Variants in ITPR1 observed in about 807,000 individuals in gnomAD.
The protein encoded by ITPR1 is inositol 1,4,5-trisphosphate-gated calcium channel ITPR1.
In ITPR1, 96 loss-of-function variants were observed where a neutral mutation model predicts 318.4. The ratio of observed to expected loss-of-function variants is 0.30; its 90% CI spans 0.26 to 0.36. The LOEUF (loss-of-function observed/expected upper bound fraction) is 0.36. Among genes scored for constraint, ITPR1 ranks in the 10% least tolerant of loss-of-function variants. ITPR1 has a pLI of 1.00. For synonymous variants in ITPR1, 1,312 were observed against 1,289.9 expected (o/e 1.02, Z -0.37); for missense variants, 2,440 against 3,460.2 (o/e 0.71, Z 7.40).
chr3:4,633,202 C>T (rs548974969), intron 5 of ITPR1, among the ~76,000 whole-genome samples: 1 of 152,106 alleles, frequency 6.6e-6, no homozygotes, highest in Admixed American at 6.5e-5. Flanking sequence ...TGCCAAAGTG[C>T]TGACATTACA....
In ITPR1 at chr3:4,652,322, A is replaced by G. The variant is rs1026083894; in HGVS notation, c.951+104A>G. 6 of 762,666 alleles carry G rather than the reference A, an allele frequency of 7.9e-6. No homozygotes were observed. The Admixed American group carries it at 8.2e-5, about 10-fold the overall frequency. The allele number at this position is 762,666 out of a possible 1,614,324, so 47.2% of individuals were successfully genotyped here. A position where few individuals can be genotyped will look rare whatever the true frequency, so the allele number is the denominator to read the frequency against. ...TGTTGTAAAAGGCTTAGGGAAATAC[A>G]CTCAGTCACCTTGCTTTTCCTCCTG... On this transcript the variant is annotated intron_variant, in intron 11 of 61. Transcript: ENST00000649015.
At chr3:4,740,585 A>G (rs1421094397) in intron 44 of ITPR1, among the ~76,000 whole-genome samples, 1 of 152,206 alleles carries the variant, frequency 6.6e-6, no homozygotes, top group Non-Finnish European at 1.5e-5. Flanking sequence ...AAATGCCTGG[A>G]AGCCAAATAC....
At chr3:4,794,299 A>G (rs896488095) in intron 52 of ITPR1, among the ~76,000 whole-genome samples, 2 of 152,184 alleles carry the variant, frequency 1.3e-5, no homozygotes, top group Admixed American at 1.3e-4. Flanking sequence ...GCAGCGGTGG[A>G]TTAAGGTGGC....
intron 4 of ITPR1, among the ~76,000 whole-genome samples, chr3:4,521,562 T>C (rs936714910): frequency 5.9e-5 from 9 of 152,294 alleles, no homozygotes; most frequent in African/African-American, 1.7e-4. Flanking sequence ...TTAAAAGACA[T>C]AGGCAGGCTG....
chr3:4,731,740 C>A (rs1428130325), intron 42 of ITPR1, among the ~76,000 whole-genome samples: 1 of 152,144 alleles, frequency 6.6e-6, no homozygotes, highest in Non-Finnish European at 1.5e-5. Context: ...CCTCCTTGGT[C>A]CCCCACTTCT....
chr3:4,563,724 A>C lies in ITPR1; in HGVS notation c.163+42630A>C, dbSNP rs891517945. Among the ~76,000 whole-genome samples, 7 of 152,156 alleles carry C rather than the reference A, an allele frequency of 4.6e-5. No individual in the cohort carries two copies. In the East Asian group the frequency reaches 1.4e-3, roughly 29 times the overall value. On this transcript the variant is annotated intron_variant, in intron 4 of 61. Transcript: ENST00000649015. Reference sequence around the variant, plus strand: ...AGATTGAACGGTGCTAGATTTTTTCATGCGGATATTTTTGCGTACCTGTGA... The same window carrying C: ...AGATTGAACGGTGCTAGATTTTTTCCTGCGGATATTTTTGCGTACCTGTGA...
chr3:4,558,459 T>C (rs1443319737), intron 4 of ITPR1, among the ~76,000 whole-genome samples: 1 of 152,034 alleles, frequency 6.6e-6, no homozygotes, highest in African/African-American at 2.4e-5. Flanking sequence ...ACCTCAATGA[T>C]ATGAAAGTAA....
intron 44 of ITPR1, among the ~76,000 whole-genome samples, chr3:4,760,657 G>A (rs527806584): frequency 1.3e-5 from 2 of 152,272 alleles, no homozygotes; most frequent in East Asian, 3.9e-4. Context: ...GCTCCTTTCT[G>A]GAGGCTCTAG....
chr3:4,696,133 A>G (rs766586127), intron 33 of ITPR1, among the ~76,000 whole-genome samples: 2 of 152,350 alleles, frequency 1.3e-5, no homozygotes. Flanking sequence ...GTTTACAGAT[A>G]TGATTCACTT....
chr3:4,634,639 A>T (rs1396299587), intron 5 of ITPR1, among the ~76,000 whole-genome samples: 1 of 152,186 alleles, frequency 6.6e-6, no homozygotes, highest in African/African-American at 2.4e-5. Flanking sequence ...AATTGATGTG[A>T]TTCGTAAATT....
Position 4,846,191 on chromosome 3 carries a change from C to T in ITPR1, c.8243C>T (p.Pro2748Leu). 6.4e-7 allele frequency: 1 copy of T among 1,568,710 alleles called. No individual in the cohort carries two copies. Among genetic ancestry groups the T allele is most frequent in the Non-Finnish European group, 8.7e-7 (1 of 1,155,690 alleles). ...AGAATTGGTCTTCTAGGACATCCTC[C>T]TCACATGAATGTCAACCCACAACAA... ...KQRIGLLGHP[P>L]HMNVNPQQPA Residue 2748 changes from proline to leucine, a missense_variant, in exon 62 of 62, where the codon CCT (proline) becomes CTT (leucine). Physicochemically the swap from Pro to Leu is moderately conservative, Grantham distance 98 (BLOSUM62 -3). This residue lies in a region of ITPR1 where 63 missense variants were observed against 63.4 expected (regional missense o/e 0.99). Transcript: ENST00000649015.
chr3:4,831,117 T>A, intron 60 of ITPR1: 1 of 292,494 alleles, frequency 3.4e-6, no homozygotes, highest in Admixed American at 4.1e-5. Context: ...TCTCTCTCTC[T>A]CTCTCTCTCT....
chr3:4,582,195 G>A (rs1261565902), intron 4 of ITPR1, among the ~76,000 whole-genome samples: 2 of 152,132 alleles, frequency 1.3e-5, no homozygotes, highest in Non-Finnish European at 2.9e-5. Context: ...TCAGAGGTTA[G>A]ATACCGCTTA....
chr3:4,753,975 T>C (rs1559835630), intron 44 of ITPR1, among the ~76,000 whole-genome samples: 1 of 150,644 alleles, frequency 6.6e-6, no homozygotes, highest in African/African-American at 2.4e-5. Flanking sequence ...CCTATGCGTA[T>C]GTTTCTACCT....
chr3:4,816,786 C>A (rs79335065), intron 59 of ITPR1, among the ~76,000 whole-genome samples: 3 of 152,310 alleles, frequency 2.0e-5, no homozygotes, highest in Middle Eastern at 3.4e-3. Flanking sequence ...CTGTAAATAT[C>A]GTGCTATTCC....
chr3:4,806,111 T>TA lies in ITPR1; in HGVS notation c.7120dup (p.Ile2374AsnfsTer26). On this transcript the variant is annotated frameshift_variant, in exon 55 of 62. Transcript: ENST00000649015. LOFTEE classifies it high-confidence loss of function. ...CCTGTCATTGTTCTCAGGTATGCAA[T>TA]AAAATCATCTTTCTAATGAGCTTTG... is the stretch of plus-strand genomic sequence containing the variant. 1 of 1,613,686 alleles carries TA rather than the reference T, an allele frequency of 6.2e-7. No individual in the cohort carries two copies. The highest frequency in any genetic ancestry group is 8.5e-7 in the Non-Finnish European group (1 of 1,179,682).
chr3:4,506,914 T>C (rs2081433385), intron 2 of ITPR1, among the ~76,000 whole-genome samples: 3 of 152,194 alleles, frequency 2.0e-5, no homozygotes, highest in African/African-American at 7.2e-5. Flanking sequence ...CTAAAAACAA[T>C]TCAGGACCCT....
rs543374691 is a variant in ITPR1, at chr3:4,583,472, G to A, written c.164-44291G>A. 2.0e-5 allele frequency among the ~76,000 whole-genome samples: 3 copies of A among 152,168 alleles called. 1 individual carries two copies. The highest frequency in any genetic ancestry group is 4.1e-4 in the South Asian group (2 of 4,822). ...TTGTTGCAGGGGCTGGGATGAGTGC[G>A]TTACAGGCCTCTCCTTGGCAAAATG... is the stretch of plus-strand genomic sequence containing the variant. On this transcript the variant is annotated intron_variant, in intron 4 of 61. Transcript: ENST00000649015.
At chr3:4,568,296 T>A (rs564742757) in intron 4 of ITPR1, among the ~76,000 whole-genome samples, 1 of 152,376 alleles carries the variant, frequency 6.6e-6, no homozygotes, top group East Asian at 1.9e-4. Flanking sequence ...TACTGTCTTT[T>A]AGGACTGCAT....
Sources: allele counts gnomAD v4.1 joint callset (sites outside exome capture counted in the v4.1 genomes callset), GRCh38; gene constraint gnomAD v4.1.1; regional missense constraint gnomAD v4.1.1; transcripts MANE v1.5; gene names NCBI Gene and HGNC (gene_info 2026-07-23, HGNC 2026-07-21).